IL1RAPL2: variants seen among roughly 807,000 people sequenced by gnomAD.
IL1RAPL2 encodes X-linked interleukin-1 receptor accessory protein-like 2.
IL1RAPL2 carries 3 observed loss-of-function variants against 44.1 expected under a neutral mutation model. The ratio of observed to expected loss-of-function variants is 0.07; its 90% confidence interval spans 0.03 to 0.18. The LOEUF is 0.18. IL1RAPL2 is among the 10% of genes least tolerant of loss of function. The pLI, the probability that IL1RAPL2 is intolerant of heterozygous loss-of-function variation, is 1.00. For missense variants in IL1RAPL2, 391 were observed against 496.4 expected, an observed-to-expected ratio of 0.79 and a Z score of 2.02; for synonymous variants, 181 against 178.8, an observed-to-expected ratio of 1.01 and a Z score of -0.10.
At chrX:105,028,827 T>G (rs2031423219) in intron 2 of IL1RAPL2, among the ~76,000 whole-genome samples, 1 of 111,249 alleles carries the variant, frequency 9.0e-6, no homozygotes, top group Non-Finnish European at 1.9e-5. Flanking sequence ...TCTTTAGATA[T>G]TAAAAGAAAG....
At chrX:105,385,472 C>T (rs951715894) in intron 5 of IL1RAPL2, among the ~76,000 whole-genome samples, 2 of 110,525 alleles carry the variant, frequency 1.8e-5, no homozygotes, top group Non-Finnish European at 3.8e-5. Flanking sequence ...TCATAATCAC[C>T]AGGACAGTAC....
chrX:105,500,500 T>G (rs1269307912), intron 6 of IL1RAPL2, among the ~76,000 whole-genome samples: 1 of 111,540 alleles, frequency 9.0e-6, no homozygotes, highest in African/African-American at 3.3e-5. Flanking sequence ...TAGACTGTTC[T>G]ATATTATTGC....
chrX:104,783,322 T>C (rs1932783716), intron 2 of IL1RAPL2, among the ~76,000 whole-genome samples: 1 of 110,741 alleles, frequency 9.0e-6, no homozygotes, highest in African/African-American at 3.3e-5. Context: ...TAGTGAGAGG[T>C]GTTTCCTCTG....
chrX:105,065,453 G>A, intron 2 of IL1RAPL2, among the ~76,000 whole-genome samples: 1 of 111,722 alleles, frequency 9.0e-6, no homozygotes, highest in Middle Eastern at 4.7e-3. Context: ...CTCTGGTTAG[G>A]CATCCCATCT....
At chrX:104,848,008 G>A (rs1922104521) in intron 2 of IL1RAPL2, among the ~76,000 whole-genome samples, 1 of 110,234 alleles carries the variant, frequency 9.1e-6, no homozygotes, top group African/African-American at 3.3e-5. Flanking sequence ...TGTTATTGGT[G>A]TATAAGAATG....
chrX:104,789,940 T>C (rs989089390), intron 2 of IL1RAPL2, among the ~76,000 whole-genome samples: 1 of 111,585 alleles, frequency 9.0e-6, no homozygotes, highest in African/African-American at 3.3e-5. Context: ...CCCAGTGCAA[T>C]GGTTTGTGTT....
intron 6 of IL1RAPL2, among the ~76,000 whole-genome samples, chrX:105,613,408 G>A (rs1017907352): frequency 1.8e-5 from 2 of 112,310 alleles, no homozygotes; most frequent in African/African-American, 6.5e-5. Flanking sequence ...CGCAGCTGGG[G>A]TGGTTATGGG....
At chrX:105,729,542 G>A (rs1196672026) in intron 7 of IL1RAPL2, among the ~76,000 whole-genome samples, 6 of 110,842 alleles carry the variant, frequency 5.4e-5, no homozygotes, top group African/African-American at 1.6e-4. Flanking sequence ...TTTAAATTAG[G>A]TTGTTAGTTT....
intron 2 of IL1RAPL2, among the ~76,000 whole-genome samples, chrX:104,808,513 G>A (rs1272837290): frequency 9.0e-6 from 1 of 111,180 alleles, no homozygotes; most frequent in Non-Finnish European, 1.9e-5. Flanking sequence ...GGGTTTAGGT[G>A]GATGGAGGTC....
At chrX:104,869,538 A>G (rs1203964291) in intron 2 of IL1RAPL2, among the ~76,000 whole-genome samples, 1 of 111,518 alleles carries the variant, frequency 9.0e-6, no homozygotes, top group East Asian at 2.8e-4. Flanking sequence ...GTCTCTTCCT[A>G]GAGTGGGAAA....
At chrX:104,772,932 C>A (rs944715278) in intron 2 of IL1RAPL2, among the ~76,000 whole-genome samples, 1 of 110,819 alleles carries the variant, frequency 9.0e-6, no homozygotes, top group Non-Finnish European at 1.9e-5. Context: ...TTTTTTGAGA[C>A]AAGGTCTTGC....
chrX:105,193,230 G>C (rs1410090583), intron 2 of IL1RAPL2, among the ~76,000 whole-genome samples: 1 of 111,396 alleles, frequency 9.0e-6, no homozygotes, highest in Non-Finnish European at 1.9e-5. Flanking sequence ...TTTCTATCAA[G>C]TAGGTAATGA....
intron 2 of IL1RAPL2, among the ~76,000 whole-genome samples, chrX:105,012,058 C>G (rs1187480552): frequency 9.0e-6 from 1 of 111,156 alleles, no homozygotes; most frequent in Non-Finnish European, 1.9e-5. Flanking sequence ...AGACTTTTTG[C>G]ACATCACTTT....
Position 104,722,310 on chromosome X carries a change from A to T in IL1RAPL2, c.82+63315A>T, listed in dbSNP as rs186083918. On this transcript the variant is annotated intron_variant, in intron 2 of 10. Transcript: ENST00000372582. ...AAAATTTGAATTTTATATTATTTTC[A>T]TTTGTCATGAAATATTCTTTAAAAA... Among the ~76,000 whole-genome samples the T allele has an allele frequency of 6.4e-3, 715 of 111,499 alleles. 3 individuals carry two copies. The highest frequency in any genetic ancestry group is 0.022 in the African/African-American group (682 of 30,814).
chrX:105,630,503 T>C (rs1393626093), intron 6 of IL1RAPL2, among the ~76,000 whole-genome samples: 1 of 107,292 alleles, frequency 9.3e-6, no homozygotes, highest in East Asian at 2.9e-4. Flanking sequence ...TTCAGAGCTT[T>C]TTTTTTTTTT....
chrX:104,757,590 A>G (rs1189834257), intron 2 of IL1RAPL2, among the ~76,000 whole-genome samples: 1 of 111,665 alleles, frequency 9.0e-6, no homozygotes, highest in Non-Finnish European at 1.9e-5. Context: ...AAAAGATTTT[A>G]AAGTAGTATG....
At chrX:105,762,782 T>C (rs1409643296) in intron 10 of IL1RAPL2, among the ~76,000 whole-genome samples, 1 of 112,030 alleles carries the variant, frequency 8.9e-6, no homozygotes, top group Non-Finnish European at 1.9e-5. Context: ...GAAAAAGTCT[T>C]TTAAGGGATT....
At chrX:105,246,650 T>A (rs2034222028) in intron 4 of IL1RAPL2, among the ~76,000 whole-genome samples, 1 of 111,303 alleles carries the variant, frequency 9.0e-6, no homozygotes, top group South Asian at 3.8e-4. Context: ...ATATGTTAAG[T>A]TTTGGTTCCT....
chrX:105,529,419 T>C (rs922748759), intron 6 of IL1RAPL2, among the ~76,000 whole-genome samples: 27 of 111,414 alleles, frequency 2.4e-4, no homozygotes, highest in African/African-American at 8.8e-4. Context: ...ATTATGATGA[T>C]GGTTGCAACC....
Sources: allele counts gnomAD v4.1 joint callset (sites outside exome capture counted in the v4.1 genomes callset), GRCh38; gene constraint gnomAD v4.1.1; transcripts MANE v1.5; gene names NCBI Gene and HGNC (gene_info 2026-07-23, HGNC 2026-07-21).